The following SLC25A23 variants were observed in gnomAD, a reference collection of about 807,000 sequenced individuals.
SLC25A23 encodes solute carrier family 25 member 23.
In SLC25A23, 32 loss-of-function variants were observed where a neutral mutation model predicts 53.9. That is an observed-to-expected ratio of 0.59 (90% CI 0.45 to 0.80). The LOEUF is 0.80. Ranked by LOEUF, SLC25A23 falls within the 30% of genes least tolerant of loss-of-function variation. SLC25A23 has a pLI of 0.00. For missense variants in SLC25A23, 575 were observed against 651.4 expected (o/e 0.88, Z 1.28); for synonymous variants, 275 against 264.5 (o/e 1.04, Z -0.38).
intron 8 of SLC25A23, among the ~76,000 whole-genome samples, chr19:6,449,857 CTTTT>C (rs142681286): frequency 1.6e-5 from 2 of 127,184 alleles, no homozygotes; most frequent in African/African-American, 7.9e-5. Context: ...ACTCACAACT[CTTTT>C]TTTTTTTTTT....
downstream of SLC25A23, chr19:6,438,771 C>T (rs1251123307): frequency 3.0e-6 from 1 of 334,224 alleles, no homozygotes; most frequent in Non-Finnish European, 6.5e-6. Flanking sequence ...ATCGCTTGAA[C>T]CTGGAAGGCA....
At position 6,441,659 on chromosome 19, in the gene SLC25A23, C is replaced by T. The variant is rs886086413; in HGVS notation, c.*316G>A. On this transcript the variant is annotated 3_prime_UTR_variant, in exon 10 of 10. Coordinates refer to ENST00000301454, the MANE Select transcript of SLC25A23 (RefSeq NM_024103.3). ...GATTAAGGGCTGGGGTGTGGATAAT[C>T]TTGAATCTTGTGGTTAGGGTAGCAG... is the stretch of plus-strand genomic sequence containing the variant. 1.6e-5 allele frequency: 6 copies of T among 386,760 alleles called. No homozygotes were observed. The highest frequency in any genetic ancestry group is 1.0e-4 in the African/African-American group (5 of 48,102). 24.0% of individuals were successfully genotyped at this position (386,760 alleles called of 1,614,324 possible). A position where few individuals can be genotyped will look rare whatever the true frequency, so the allele number is the denominator to read the frequency against.
chr19:6,455,563 A>G (rs532888217), intron 4 of SLC25A23, among the ~76,000 whole-genome samples: 5 of 152,264 alleles, frequency 3.3e-5, no homozygotes, highest in South Asian at 2.1e-4. Context: ...GGTTCTCACC[A>G]GATCCCACAG....
intron 8 of SLC25A23, among the ~76,000 whole-genome samples, chr19:6,451,861 C>T (rs1248631335): frequency 8.2e-5 from 11 of 134,592 alleles, no homozygotes; most frequent in Non-Finnish European, 1.4e-4. Flanking sequence ...GAAGGAGTCT[C>T]GCTCTGTTGC....
chr19:6,436,269 T>C, downstream of SLC25A23: 1 of 355,818 alleles, frequency 2.8e-6, no homozygotes, highest in South Asian at 2.1e-5. Context: ...AGATTCAGGA[T>C]TCAGGTACTG....
chr19:6,455,236 C>A (rs2092661086), intron 4 of SLC25A23, among the ~76,000 whole-genome samples: 1 of 152,128 alleles, frequency 6.6e-6, no homozygotes, highest in African/African-American at 2.4e-5. Context: ...CACACCACTG[C>A]ATTTCAGCCT....
intron 9 of SLC25A23, among the ~76,000 whole-genome samples, chr19:6,443,101 G>C (rs7250187): frequency 0.069 from 10,386 of 150,546 alleles, 519 homozygotes; most frequent in African/African-American, 0.15. Flanking sequence ...ATCACACCCG[G>C]CTAATTTTTG....
At position 6,456,416 on chromosome 19, in the gene SLC25A23, T is replaced by G; in HGVS notation, c.483+4A>C. The G allele has an allele frequency of 1.2e-6, 2 of 1,613,712 alleles. No individual in the cohort carries two copies. The highest frequency in any genetic ancestry group is 1.7e-6 in the Non-Finnish European group (2 of 1,179,734). On this transcript the variant is annotated splice_donor_region_variant and intron_variant, in intron 4 of 9. Coordinates refer to ENST00000301454, the MANE Select transcript of SLC25A23 (RefSeq NM_024103.3). ...TCAGCTGGGGAAAGCCACCCCCACCTCACCGTGGAATGCTTCCAGAAATAC... is the reference window on the plus strand; with the variant it reads ...TCAGCTGGGGAAAGCCACCCCCACCGCACCGTGGAATGCTTCCAGAAATAC...
At chr19:6,446,210 C>T (rs1490977873) in intron 8 of SLC25A23, among the ~76,000 whole-genome samples, 1 of 151,820 alleles carries the variant, frequency 6.6e-6, no homozygotes, top group East Asian at 1.9e-4. Flanking sequence ...CTAAAAATAC[C>T]AAAATTAGCC....
intron 2 of SLC25A23, 27 bp from the exon 3 acceptor site, chr19:6,457,617 G>C (rs768329755): frequency 2.6e-5 from 41 of 1,602,270 alleles, no homozygotes; most frequent in Non-Finnish European, 7.7e-6. Flanking sequence ...AGGTGGGGAA[G>C]GATGTGCGTG....
chr19:6,439,009 A>C (rs111333245), downstream of SLC25A23, among the ~76,000 whole-genome samples: 2,802 of 151,112 alleles, frequency 0.019, 37 homozygotes, highest in South Asian at 0.038. Context: ...TCACTGCACT[A>C]CAGCCTGGGC....
chr19:6,457,676 T>G, intron 2 of SLC25A23, 86 bp from the exon 3 acceptor site: 1 of 1,204,428 alleles, frequency 8.3e-7, no homozygotes, highest in East Asian at 2.4e-5. Flanking sequence ...CAGCTTGGAA[T>G]GGAGGTGGTC....
rs886798981 is a variant in SLC25A23, at chr19:6,440,253, A to G, written c.*1722T>C. 6.6e-6 allele frequency: 1 copy of G among 152,508 alleles called. No homozygotes were observed. The highest frequency in any genetic ancestry group is 2.4e-5 in the African/African-American group (1 of 41,404). 9.4% of individuals were successfully genotyped at this position (152,508 alleles called of 1,614,324 possible). Reference sequence around the variant, plus strand: ...CAGATGATCCTAAGCTCAGAATCCAACTATGAAGTGCAGAATGTAAGGGCG... The same window carrying G: ...CAGATGATCCTAAGCTCAGAATCCAGCTATGAAGTGCAGAATGTAAGGGCG... On this transcript the variant is annotated 3_prime_UTR_variant, in exon 10 of 10. Coordinates refer to ENST00000301454, the MANE Select transcript of SLC25A23 (RefSeq NM_024103.3).
chr19:6,443,437 G>C (rs142488076), intron 9 of SLC25A23: 1 of 550,732 alleles, frequency 1.8e-6, no homozygotes, highest in Non-Finnish European at 3.2e-6. Flanking sequence ...TATGTTGCCC[G>C]GGCTGGTCTC....
chr19:6,450,374 C>T (rs1190719395), intron 8 of SLC25A23, among the ~76,000 whole-genome samples: 1 of 152,182 alleles, frequency 6.6e-6, no homozygotes, highest in African/African-American at 2.4e-5. Context: ...CCTCAACCCC[C>T]CTCCCGCCCA....
Position 6,452,455 on chromosome 19 carries a change from G to T in SLC25A23, c.928C>A (p.Arg310Ser). 2 of 1,608,514 alleles carry T rather than the reference G, an allele frequency of 1.2e-6. No homozygotes were observed. The highest frequency in any genetic ancestry group is 1.7e-6 in the Non-Finnish European group (2 of 1,176,146). Residue 310 changes from arginine to serine, a missense_variant, in exon 8 of 10, where the codon CGC becomes AGC. Coordinates refer to ENST00000301454, the MANE Select transcript of SLC25A23 (RefSeq NM_024103.3). ...MEVLKTRLTL[R>S]RTGQYKGLLD... is the part of the protein sequence containing the mutation. ...AGCCCCTTATACTGGCCCGTCCGGCGCAAGGTCAGCCGCGTCTTCAGCACC... is the reference window on the plus strand; with the variant it reads ...AGCCCCTTATACTGGCCCGTCCGGCTCAAGGTCAGCCGCGTCTTCAGCACC...
chr19:6,452,300 C>T lies in SLC25A23; in HGVS notation c.1071+12G>A. 1 of 1,604,202 alleles carries T rather than the reference C, an allele frequency of 6.2e-7. No individual in the cohort carries two copies. The highest frequency in any genetic ancestry group is 8.5e-7 in the Non-Finnish European group (1 of 1,175,512). ...AGGGGAGCAGGGAAAGAGGAACGCG[C>T]TGCCCACAGACCTCGTAGACGGCCA... On this transcript the variant is annotated intron_variant, in intron 8 of 9. Transcript: ENST00000301454.
Position 6,455,773 on chromosome 19 carries a change from A to G in SLC25A23, c.483+647T>C, listed in dbSNP as rs988477775. Among the ~76,000 whole-genome samples the G allele has an allele frequency of 3.6e-5, 5 of 140,102 alleles. No individual in the cohort carries two copies. In the East Asian group the frequency reaches 1.1e-3, roughly 31 times the overall value. 91.9% of individuals were successfully genotyped at this position (140,102 alleles called of 152,430 possible). On this transcript the variant is annotated intron_variant, in intron 4 of 9. Transcript: ENST00000301454. Reference sequence around the variant, plus strand: ...GGCTCTGTCACCCAGGCTAGAGTGCAGTGGCACGATCTCGGCTCACTGCAA... The same window carrying G: ...GGCTCTGTCACCCAGGCTAGAGTGCGGTGGCACGATCTCGGCTCACTGCAA...
In SLC25A23 at chr19:6,452,480, C is replaced by T; in HGVS notation, c.904-1G>A. 6.3e-7 allele frequency: 1 copy of T among 1,598,854 alleles called. No homozygotes were observed. The highest frequency in any genetic ancestry group is 8.6e-7 in the Non-Finnish European group (1 of 1,169,404). On this transcript the variant is annotated splice_acceptor_variant, in intron 7 of 9. Transcript: ENST00000301454. LOFTEE classifies it high-confidence loss of function. Reference sequence around the variant, plus strand: ...GCAAGGTCAGCCGCGTCTTCAGCACCTGGGGAGAACCTGGTTATCCCTGGA... The same window carrying T: ...GCAAGGTCAGCCGCGTCTTCAGCACTTGGGGAGAACCTGGTTATCCCTGGA...
Sources: gnomAD v4.1 joint callset for allele counts (sites outside exome capture counted in the v4.1 genomes callset) on GRCh38, gnomAD v4.1.1 for gene constraint, MANE v1.5 for transcripts, NCBI Gene and HGNC (gene_info 2026-07-23, HGNC 2026-07-21) for gene names.